The following CUL3 variants were observed in gnomAD, a reference collection of about 807,000 sequenced individuals.
CUL3 encodes cullin-3.
In CUL3, 19 loss-of-function variants were observed where a neutral mutation model predicts 89.1. The observed-to-expected ratio is 0.21, with a 90% CI of 0.15 to 0.31. The LOEUF (loss-of-function observed/expected upper bound fraction) is 0.31. Ranked by LOEUF, CUL3 falls within the 10% of genes least tolerant of loss-of-function variation. The pLI is 1.00. For missense variants in CUL3, 469 were observed against 942.3 expected (o/e 0.50, Z 6.58); for synonymous variants, 351 against 308.4 (o/e 1.14, Z -1.45).
intron 2 of CUL3, among the ~76,000 whole-genome samples, chr2:224,553,085 C>T (rs555540781): frequency 3.9e-5 from 6 of 152,074 alleles, no homozygotes; most frequent in Non-Finnish European, 8.8e-5. Flanking sequence ...AGGAAACAAA[C>T]ATGTCAGAGG....
At position 224,470,830 on chromosome 2, in the gene CUL3, A is replaced by C; in HGVS notation, c.*3415T>G. On this transcript the variant is annotated 3_prime_UTR_variant, in exon 16 of 16. Transcript: ENST00000264414. ...ACTTTAGTTTGTCACATTACTATTCATGTGAATGAGGTACAAAATAAATGA... is the reference window on the plus strand; with the variant it reads ...ACTTTAGTTTGTCACATTACTATTCCTGTGAATGAGGTACAAAATAAATGA... 1 of 230,532 alleles carries C rather than the reference A, an allele frequency of 4.3e-6. No individual in the cohort carries two copies. The highest frequency in any genetic ancestry group is 8.6e-6 in the Non-Finnish European group (1 of 116,364). The allele number at this position is 230,532 out of a possible 1,614,324, so 14.3% of individuals were successfully genotyped here.
intron 13 of CUL3, 60 bp from the exon 14 acceptor site, chr2:224,482,138 G>T: frequency 7.5e-7 from 1 of 1,338,588 alleles, no homozygotes. Context: ...TAGTTAATTA[G>T]CAAGTAAACT....
chr2:224,566,721 T>G (rs1457517615), intron 1 of CUL3, among the ~76,000 whole-genome samples: 1 of 152,224 alleles, frequency 6.6e-6, no homozygotes, highest in Non-Finnish European at 1.5e-5. Flanking sequence ...ATCCTTCACC[T>G]TCCTTTGACT....
At chr2:224,546,671 G>T (rs894251786) in intron 2 of CUL3, among the ~76,000 whole-genome samples, 2 of 149,238 alleles carry the variant, frequency 1.3e-5, no homozygotes, top group Non-Finnish European at 3.0e-5. Flanking sequence ...ATAGGATGGG[G>T]GGGGGTACTT....
At position 224,482,070 on chromosome 2, in the gene CUL3, C is replaced by T. The variant is rs772355997; in HGVS notation, c.1851G>A (p.Gln617=). 3 of 1,586,652 alleles carry T rather than the reference C, an allele frequency of 1.9e-6. No individual in the cohort carries two copies. The highest frequency in any genetic ancestry group is 1.4e-5 in the African/African-American group (1 of 73,522). ...CTCTTTCAGGGATATCTGTCTCTTGCTGAATTTCCTGAAATTTCATCAGAT... is the reference window on the plus strand; with the variant it reads ...CTCTTTCAGGGATATCTGTCTCTTGTTGAATTTCCTGAAATTTCATCAGAT... ...NREKYTFEEI[Q]QETDIPEREL... The change falls in exon 14 of 16, where the codon CAG becomes CAA. Residue 617 remains glutamine (Q), a synonymous_variant. Transcript: ENST00000264414.
chr2:224,573,692 A>C (rs1695235891), intron 1 of CUL3, among the ~76,000 whole-genome samples: 1 of 152,182 alleles, frequency 6.6e-6, no homozygotes, highest in African/African-American at 2.4e-5. Context: ...TGTATAATGA[A>C]AACAACATGA....
At chr2:224,495,728 G>T in intron 13 of CUL3, 104 bp downstream of exon 13, 7 of 904,312 alleles carry the variant, frequency 7.7e-6, no homozygotes, top group Non-Finnish European at 1.2e-5. Context: ...TTCTCTAAAA[G>T]TACCCAAAGA....
At chr2:224,563,101 G>C (rs187261894) in intron 1 of CUL3, 1 of 379,600 alleles carries the variant, frequency 2.6e-6, no homozygotes, top group Non-Finnish European at 5.2e-6. Flanking sequence ...TCAAATAAAT[G>C]TCAGAAAGAA....
At position 224,473,934 on chromosome 2, in the gene CUL3, G is replaced by T; in HGVS notation, c.*311C>A. The T allele has an allele frequency of 4.1e-6, 1 of 244,846 alleles. No homozygotes were observed. The highest frequency in any genetic ancestry group is 1.3e-3 in the Middle Eastern group (1 of 794). The allele number at this position is 244,846 out of a possible 1,614,324, so 15.2% of individuals were successfully genotyped here. ...TGAAATCCAACAATTTTATTGTAAT[G>T]AGCTGTATTTTCTAAATTTCTCTTT... is the stretch of plus-strand genomic sequence containing the variant. On this transcript the variant is annotated 3_prime_UTR_variant, in exon 16 of 16. Transcript: ENST00000264414.
chr2:224,510,085 G>GTTAT (rs1404901784), intron 6 of CUL3, among the ~76,000 whole-genome samples: 3 of 152,050 alleles, frequency 2.0e-5, no homozygotes, highest in Non-Finnish European at 2.9e-5. Context: ...TTATTCATTT[G>GTTAT]TTATTGTCTA....
chr2:224,522,130 C>T (rs1693290796), intron 3 of CUL3, among the ~76,000 whole-genome samples: 2 of 148,756 alleles, frequency 1.3e-5, no homozygotes, highest in Non-Finnish European at 3.0e-5. Flanking sequence ...CATGTTAGAA[C>T]TTGCCTTACC....
intron 15 of CUL3, among the ~76,000 whole-genome samples, chr2:224,477,837 CCCT>C (rs1232566085): frequency 3.3e-5 from 5 of 152,252 alleles, no homozygotes; most frequent in African/African-American, 7.2e-5. Flanking sequence ...AGGGGTCTTC[CCCT>C]CCTTAGTTTC....
At chr2:224,542,026 G>A (rs1369864914) in intron 2 of CUL3, among the ~76,000 whole-genome samples, 2 of 152,014 alleles carry the variant, frequency 1.3e-5, no homozygotes, top group East Asian at 3.9e-4. Flanking sequence ...GAAAATAAAG[G>A]CCAATTTTAT....
chr2:224,584,066 C>G (rs113695318), intron 1 of CUL3, among the ~76,000 whole-genome samples: 99 of 152,292 alleles, frequency 6.5e-4, no homozygotes, highest in African/African-American at 2.3e-3. Context: ...GGAAGCTGAA[C>G]CAGATTTGAC....
At chr2:224,541,319 G>T (rs947693271) in intron 2 of CUL3, among the ~76,000 whole-genome samples, 1 of 152,016 alleles carries the variant, frequency 6.6e-6, no homozygotes, top group African/African-American at 2.4e-5. Flanking sequence ...TATACAGATG[G>T]CAATTTTGTA....
intron 3 of CUL3, among the ~76,000 whole-genome samples, chr2:224,520,869 A>G (rs1413304379): frequency 6.6e-6 from 1 of 152,250 alleles, no homozygotes; most frequent in Admixed American, 6.5e-5. Flanking sequence ...TAAATGATGT[A>G]TAAGAAATCA....
chr2:224,490,341 G>A (rs776877436), intron 13 of CUL3, among the ~76,000 whole-genome samples: 18 of 152,148 alleles, frequency 1.2e-4, no homozygotes, highest in Non-Finnish European at 2.1e-4. Flanking sequence ...TCTCTGCCTC[G>A]GCTGCCAAAC....
chr2:224,532,984 A>G, intron 3 of CUL3: 1 of 152,206 alleles, frequency 6.6e-6, no homozygotes, highest in East Asian at 1.9e-4. Context: ...TTCCTACCTG[A>G]TGCTTTCTCT....
intron 1 of CUL3, among the ~76,000 whole-genome samples, chr2:224,582,876 A>G (rs1258333670): frequency 1.3e-5 from 2 of 152,210 alleles, no homozygotes; most frequent in Non-Finnish European, 2.9e-5. Context: ...AAATTAAATG[A>G]TGGCAAAACA....
Sources: allele counts gnomAD v4.1 joint callset (sites outside exome capture counted in the v4.1 genomes callset), GRCh38; gene constraint gnomAD v4.1.1; transcripts MANE v1.5; gene names NCBI Gene and HGNC (gene_info 2026-07-23, HGNC 2026-07-21).